The following KPNA7 variants were observed in gnomAD, a reference collection of about 807,000 sequenced individuals.
KPNA7 encodes the protein karyopherin subunit alpha 7, also known as importin subunit alpha-8.
A neutral mutation model predicts 53.7 loss-of-function variants in KPNA7; 54 were observed. The observed-to-expected ratio is 1.01, with a 90% CI of 0.81 to 1.26. The LOEUF (loss-of-function observed/expected upper bound fraction) is 1.26. Among genes scored for constraint, KPNA7 ranks in the 50% most tolerant of loss-of-function variants. The pLI, the probability that KPNA7 is intolerant of heterozygous loss-of-function variation, is 0.00. For synonymous variants in KPNA7, 276 were observed against 259.3 expected, an observed-to-expected ratio of 1.06 and a Z score of -0.62; for missense variants, 640 against 644.5, an observed-to-expected ratio of 0.99 and a Z score of 0.07.
the KPNA7 span, among the ~76,000 whole-genome samples, chr7:99,162,723 A>G: frequency 2.6e-5 from 4 of 152,200 alleles, no homozygotes; most frequent in East Asian, 1.9e-4. Flanking sequence ...ACTAAGCTCA[A>G]CAGGGCTTCC....
upstream of KPNA7, among the ~76,000 whole-genome samples, chr7:99,210,789 G>A (rs1264919462): frequency 6.6e-6 from 1 of 151,878 alleles, no homozygotes; most frequent in Non-Finnish European, 1.5e-5. Context: ...ATCTCACTAT[G>A]TTGCCCAGGC....
the KPNA7 span, among the ~76,000 whole-genome samples, chr7:99,152,133 G>A: frequency 0.92 from 139,778 of 152,154 alleles, 64,544 homozygotes; most frequent in East Asian, 1. Flanking sequence ...GTAGTGAGCC[G>A]AGATCACACC....
the KPNA7 span, among the ~76,000 whole-genome samples, chr7:99,148,812 G>T: frequency 7.4e-6 from 1 of 134,668 alleles, no homozygotes; most frequent in African/African-American, 2.9e-5. Flanking sequence ...GGCCAGGCTA[G>T]TCGCCTCAAG....
the KPNA7 span, among the ~76,000 whole-genome samples, chr7:99,161,268 T>TCTCTCTCTCTCTCTCTCTCTCCCC: frequency 1.7e-4 from 21 of 123,080 alleles, no homozygotes; most frequent in African/African-American, 6.6e-4. Context: ...TCTCTCTCTC[T>TCTCTCTCTCTCTCTCTCTCTCCCC]CTGATCACTT....
In KPNA7 at chr7:99,203,232, T is replaced by C; in HGVS notation, c.75A>G (p.Arg25=). ...KYRGKDVSLR[R]QQRMAVSLEL... is the part of the protein sequence containing the mutation. Reference sequence around the variant, plus strand: ...CCAGACTGACCGCCATCCTCTGCTGTCGCCTCAGCTAGTGAGGAAAAGAAA... The same window carrying C: ...CCAGACTGACCGCCATCCTCTGCTGCCGCCTCAGCTAGTGAGGAAAAGAAA... Residue 25 remains arginine, a synonymous_variant, in exon 3 of 11, where the codon CGA becomes CGG. Coordinates refer to ENST00000327442, the MANE Select transcript of KPNA7 (RefSeq NM_001145715.3). 1.3e-6 allele frequency: 2 copies of C among 1,551,150 alleles called. No individual in the cohort carries two copies. The highest frequency in any genetic ancestry group is 1.7e-6 in the Non-Finnish European group (2 of 1,146,448).
intron 3 of KPNA7, among the ~76,000 whole-genome samples, chr7:99,202,089 T>C (rs193140719): frequency 2.4e-4 from 36 of 152,222 alleles, no homozygotes; most frequent in African/African-American, 8.4e-4. Flanking sequence ...ACTAGAGATA[T>C]AGTTTGGACT....
intron 5 of KPNA7, among the ~76,000 whole-genome samples, chr7:99,194,486 C>A (rs544232080): frequency 6.6e-6 from 1 of 152,238 alleles, no homozygotes; most frequent in Admixed American, 6.5e-5. Flanking sequence ...CTTGAAGCCA[C>A]GAAGCCCTGA....
chr7:99,219,406 C>T (rs766587800), intron 1 of KPNA7, among the ~76,000 whole-genome samples: 26 of 152,136 alleles, frequency 1.7e-4, no homozygotes, highest in Non-Finnish European at 3.5e-4. Context: ...AATTAATTAG[C>T]GTTTACTCCC....
intron 5 of KPNA7, among the ~76,000 whole-genome samples, chr7:99,194,858 G>C (rs2150749599): frequency 6.6e-6 from 1 of 152,210 alleles, no homozygotes; most frequent in East Asian, 1.9e-4. Context: ...GTCCGCCTTG[G>C]CCTCCCAACA....
chr7:99,202,288 C>T (rs1253221749), intron 3 of KPNA7, among the ~76,000 whole-genome samples: 1 of 151,986 alleles, frequency 6.6e-6, no homozygotes, highest in Admixed American at 6.6e-5. Flanking sequence ...ATAGAGACAC[C>T]ATTATTGAGG....
chr7:99,188,444 G>A lies in KPNA7; in HGVS notation c.756C>T (p.His252=), dbSNP rs564199098. 2 of 1,551,716 alleles carry A rather than the reference G, an allele frequency of 1.3e-6. No homozygotes were observed. The highest frequency in any genetic ancestry group is 2.0e-5 in the Admixed American group (1 of 50,980). ...CATCCGAGAGAACCTCACTGTCCTG[G>A]TGCTGCAGGAGGTGAAGGAGGGCCG... ...ILPALLHLLQ[H]QDSEVLSDAC... The change falls in exon 7 of 11, where the codon CAC becomes CAT. Residue 252 remains histidine (H), a synonymous_variant. Coordinates refer to ENST00000327442, the MANE Select transcript of KPNA7 (RefSeq NM_001145715.3).
At chr7:99,196,689 G>C (rs1004867847) in intron 3 of KPNA7, among the ~76,000 whole-genome samples, 1 of 151,890 alleles carries the variant, frequency 6.6e-6, no homozygotes, top group African/African-American at 2.4e-5. Flanking sequence ...TGGTAACCCT[G>C]AAAACCAACA....
intron 9 of KPNA7, among the ~76,000 whole-genome samples, chr7:99,179,199 A>AC (rs1350679669): frequency 6.6e-6 from 1 of 152,124 alleles, no homozygotes; most frequent in East Asian, 1.9e-4. Flanking sequence ...CTTAAAGTGG[A>AC]CTTCTAAAAG....
At chr7:99,179,421 T>C (rs1025752163) in intron 9 of KPNA7, among the ~76,000 whole-genome samples, 5 of 151,952 alleles carry the variant, frequency 3.3e-5, no homozygotes, top group Admixed American at 3.3e-4. Flanking sequence ...CTGGGTGTGG[T>C]AGCACAAGCC....
rs771474188 is a variant in KPNA7 at position 99,181,989 on chromosome 7, A to G, written c.1211T>C (p.Ile404Thr). The change falls in exon 9 of 11, where the codon ATC becomes ACC. Residue 404 changes from isoleucine to threonine, a missense_variant. Transcript: ENST00000327442. ...FATGATMDQL[I>T]QLVHSGVLEP... Reference sequence around the variant, plus strand: ...CAGGACCCCAGAGTGGACGAGCTGGATCAGCTGATCCATGGTGGCCCCTGT... The same window carrying G: ...CAGGACCCCAGAGTGGACGAGCTGGGTCAGCTGATCCATGGTGGCCCCTGT... 1.3e-4 allele frequency: 198 copies of G among 1,550,976 alleles called. No individual in the cohort carries two copies. Among genetic ancestry groups the G allele is most frequent in the Non-Finnish European group, 1.7e-4 (190 of 1,146,542 alleles).
the KPNA7 span, among the ~76,000 whole-genome samples, chr7:99,164,199 T>C: frequency 6.6e-6 from 1 of 151,346 alleles, no homozygotes; most frequent in African/African-American, 2.4e-5. Context: ...GTATGTTTAT[T>C]GCGGCACTAT....
At chr7:99,186,952 A>C (rs1403701744) in intron 7 of KPNA7, among the ~76,000 whole-genome samples, 1 of 152,162 alleles carries the variant, frequency 6.6e-6, no homozygotes, top group Non-Finnish European at 1.5e-5. Flanking sequence ...TAATGCACCC[A>C]CATTTCAAAG....
chr7:99,176,242 G>C (rs1281005861), intron 10 of KPNA7, among the ~76,000 whole-genome samples: 1 of 146,156 alleles, frequency 6.8e-6, no homozygotes, highest in South Asian at 2.2e-4. Context: ...AGGTTGCAGT[G>C]AGCCAAGATC....
intron 2 of KPNA7, among the ~76,000 whole-genome samples, chr7:99,204,411 C>T (rs878981230): frequency 2.0e-5 from 3 of 151,948 alleles, no homozygotes; most frequent in East Asian, 1.9e-4. Context: ...CTCCCCTCCC[C>T]GATCTTATGT....
Sources: gnomAD v4.1 joint callset for allele counts (sites outside exome capture counted in the v4.1 genomes callset) on GRCh38, gnomAD v4.1.1 for gene constraint, MANE v1.5 for transcripts, NCBI Gene and HGNC (gene_info 2026-07-23, HGNC 2026-07-21) for gene names.